The following HGSNAT variants were observed in gnomAD, a reference collection of about 807,000 sequenced individuals.
HGSNAT encodes transmembrane protein 76.
A neutral mutation model predicts 85.2 loss-of-function variants in HGSNAT; 59 were observed. The ratio of observed to expected loss-of-function variants is 0.69; its 90% CI spans 0.56 to 0.86. The LOEUF (loss-of-function observed/expected upper bound fraction) is 0.86. Among genes scored for constraint, HGSNAT ranks in the 40% least tolerant of loss-of-function variants. The probability of loss-of-function intolerance (pLI) is 0.00; values close to 1 mark genes in which losing one functional copy is unlikely to be tolerated. For missense variants in HGSNAT, 756 were observed against 777.1 expected (o/e 0.97, Z 0.32); for synonymous variants, 321 against 304.5 (o/e 1.05, Z -0.56).
At position 43,165,044 on chromosome 8, in the gene HGSNAT, A is replaced by ATT. The variant is rs1175997527; in HGVS notation, c.563+3563_563+3564dup. On this transcript the variant is annotated intron_variant, in intron 5 of 17. Transcript: ENST00000379644. The stretch of plus-strand genomic sequence containing the variant: ...ACTAGAGGCATGTGCCACCATGATA[A>ATT]TTTTTTTTTTTTTTTTTTTTTTTTT... 3.8e-3 allele frequency among the ~76,000 whole-genome samples: 275 copies of ATT among 72,048 alleles called. 7 individuals are homozygous for ATT. The highest frequency in any genetic ancestry group is 7.3e-3 in the South Asian group (14 of 1,924). 47.3% of individuals were successfully genotyped at this position (72,048 alleles called of 152,430 possible). A position where few individuals can be genotyped will look rare whatever the true frequency, so the allele number is the denominator to read the frequency against.
intron 2 of HGSNAT, among the ~76,000 whole-genome samples, chr8:43,154,358 C>G (rs1461969456): frequency 7.0e-6 from 1 of 142,892 alleles, no homozygotes; most frequent in Admixed American, 7.2e-5. Flanking sequence ...CCCCACCGCA[C>G]AGCAGGTCCT....
At chr8:43,157,843 AATTTAT>A (rs942146569) in intron 2 of HGSNAT, among the ~76,000 whole-genome samples, 2 of 151,482 alleles carry the variant, frequency 1.3e-5, no homozygotes, top group African/African-American at 2.4e-5. Flanking sequence ...TAAAACACAT[AATTTAT>A]ATAGCAAAAA....
chr8:43,181,081 T>G (rs1586738511), intron 10 of HGSNAT, among the ~76,000 whole-genome samples: 1 of 76,472 alleles, frequency 1.3e-5, no homozygotes. Flanking sequence ...AGGGAGACCG[T>G]GGAGGGAGAG....
chr8:43,197,857 C>G lies in HGSNAT; in HGVS notation c.1631C>G (p.Thr544Ser). ...CCTCCCAGGTCCCTTTCGTATGTCA[C>G]TACGCTCAGTTCTTTTGCCTTCTTC... ...NKNLWSLSYV[T>S]TLSSFAFFIL... The change falls in exon 17 of 18, where the codon ACT (threonine) becomes AGT (serine). Residue 544 changes from threonine (T) to serine (S), a missense_variant. Thr to Ser is a moderately conservative substitution (Grantham distance 58). Coordinates refer to ENST00000379644, the MANE Select transcript of HGSNAT (RefSeq NM_152419.3). 6.2e-7 allele frequency: 1 copy of G among 1,613,988 alleles called. No homozygotes were observed. Among genetic ancestry groups the G allele is most frequent in the Middle Eastern group, 1.6e-4 (1 of 6,062 alleles).
intron 5 of HGSNAT, among the ~76,000 whole-genome samples, chr8:43,166,762 A>G (rs1472267035): frequency 6.6e-6 from 1 of 152,200 alleles, no homozygotes; most frequent in African/African-American, 2.4e-5. Context: ...ACTATTTAAA[A>G]AATAGGTTTT....
In HGSNAT at chr8:43,147,004, C is replaced by G. The variant is rs200689598; in HGVS notation, c.175C>G (p.His59Asp). The G allele has an allele frequency of 1.2e-6, 2 of 1,610,676 alleles. No homozygotes were observed. Among genetic ancestry groups the G allele is most frequent in the East Asian group, 4.5e-5 (2 of 44,816 alleles). ...GATGGATCAGGCTTTGCTACTCATC[C>G]ATAATGAACTTCTCTGGACCAACTT... ...LKMDQALLLIHNELLWTNLTV... is the reference protein window; with the variant it reads ...LKMDQALLLIDNELLWTNLTV... Residue 59 changes from histidine (H) to aspartate (D), a missense_variant, in exon 2 of 18, where the codon CAT (histidine) becomes GAT (aspartate). His to Asp is a moderately conservative substitution (Grantham distance 81). Coordinates refer to ENST00000379644, the MANE Select transcript of HGSNAT (RefSeq NM_152419.3).
At chr8:43,145,303 C>A (rs1802676541) in intron 1 of HGSNAT, among the ~76,000 whole-genome samples, 1 of 151,330 alleles carries the variant, frequency 6.6e-6, no homozygotes, top group Admixed American at 6.6e-5. Context: ...TCATGATGGC[C>A]AAAAAAAAGC....
At chr8:43,191,673 C>A in intron 12 of HGSNAT, 78 bp downstream of exon 12, 1 of 1,533,488 alleles carries the variant, frequency 6.5e-7, no homozygotes, top group Non-Finnish European at 8.9e-7. Flanking sequence ...TCACAGGTCT[C>A]GAGTCAGAGG....
At chr8:43,179,645 A>C in intron 10 of HGSNAT, among the ~76,000 whole-genome samples, 2 of 9,290 alleles carry the variant, frequency 2.2e-4, no homozygotes, top group South Asian at 0.015. Flanking sequence ...GGACGGGGCG[A>C]CTGGCCAGGC....
chr8:43,185,560 A>G lies in HGSNAT; in HGVS notation c.1128+3300A>G, dbSNP rs185864878. ...GGGCTGAGATGATGGGGTTTTCTAA[A>G]TATACAATCATGTCATCTGCAAACA... On this transcript the variant is annotated intron_variant, in intron 11 of 17. Coordinates refer to ENST00000379644, the MANE Select transcript of HGSNAT (RefSeq NM_152419.3). Among the ~76,000 whole-genome samples the G allele has an allele frequency of 4.9e-3, 747 of 152,322 alleles. 8 individuals are homozygous for G. Among genetic ancestry groups the G allele is most frequent in the African/African-American group, 0.017 (718 of 41,574 alleles).
chr8:43,155,747 A>G (rs1424050864), intron 2 of HGSNAT, among the ~76,000 whole-genome samples: 4 of 152,204 alleles, frequency 2.6e-5, no homozygotes, highest in Non-Finnish European at 5.9e-5. Flanking sequence ...GAAAGATATG[A>G]GAGATAGGGG....
At position 43,196,301 on chromosome 8, in the gene HGSNAT, A is replaced by G. The variant is rs1233117294; in HGVS notation, c.1465-647A>G. The stretch of plus-strand genomic sequence containing the variant: ...TATTTTTAAAGCTTCTCATCCTTTG[A>G]TGTTTTCAAAAATGAATACCTAATT... On this transcript the variant is annotated intron_variant, in intron 14 of 17. Transcript: ENST00000379644. 2.1e-5 allele frequency: 8 copies of G among 375,938 alleles called. No homozygotes were observed. The East Asian group carries it at 5.2e-4, about 24-fold the overall frequency. 23.3% of individuals were successfully genotyped at this position (375,938 alleles called of 1,614,324 possible). A position where few individuals can be genotyped will look rare whatever the true frequency, so the allele number is the denominator to read the frequency against.
At position 43,199,532 on chromosome 8, in the gene HGSNAT, A is replaced by G. The variant is rs773631016; in HGVS notation, c.1871A>G (p.Tyr624Cys). The change falls in exon 18 of 18, where the codon TAC becomes TGC. Residue 624 changes from tyrosine (Y) to cysteine (C), a missense_variant. By Grantham distance (194) the Tyr-to-Cys change is radical. Coordinates refer to ENST00000379644, the MANE Select transcript of HGSNAT (RefSeq NM_152419.3). ...VATALWVLIA[Y>C]ILYRKKIFWK... is the part of the protein sequence containing the mutation. ...ACTGCCCTCTGGGTGCTCATTGCCT[A>G]CATCCTCTATAGAAAGAAGATTTTT... 5 of 1,594,044 alleles carry G rather than the reference A, an allele frequency of 3.1e-6. No homozygotes were observed. The Admixed American group carries it at 7.0e-5, about 22-fold the overall frequency.
chr8:43,151,371 G>A (rs1000658770), intron 2 of HGSNAT, among the ~76,000 whole-genome samples: 17 of 152,142 alleles, frequency 1.1e-4, no homozygotes, highest in African/African-American at 3.9e-4. Context: ...GAAAAATAAC[G>A]GAACCTGCCG....
chr8:43,191,007 G>A (rs915127857), intron 11 of HGSNAT, among the ~76,000 whole-genome samples: 3 of 152,154 alleles, frequency 2.0e-5, no homozygotes, highest in African/African-American at 7.2e-5. Flanking sequence ...GTCATATAAC[G>A]TGGCTTTTTG....
chr8:43,151,066 TAAA>T (rs979209742), intron 2 of HGSNAT, among the ~76,000 whole-genome samples: 1 of 152,118 alleles, frequency 6.6e-6, no homozygotes, highest in African/African-American at 2.4e-5. Context: ...ACACCCTAAA[TAAA>T]AAGGCACCAA....
chr8:43,174,148 C>T (rs1313925658), intron 9 of HGSNAT: 4 of 155,270 alleles, frequency 2.6e-5, no homozygotes, highest in Non-Finnish European at 2.8e-5. Context: ...ACCCAGGAGG[C>T]GGGGGTTGCG....
rs760884207 is a variant in HGSNAT, at chr8:43,197,937, C to T, written c.1711C>T (p.Pro571Ser). 1.2e-6 allele frequency: 2 copies of T among 1,612,926 alleles called. No individual in the cohort carries two copies. The highest frequency in any genetic ancestry group is 1.7e-6 in the Non-Finnish European group (2 of 1,179,130). ...VDVKGLWTGTPFFYPGMNSIL... is the reference protein window; with the variant it reads ...VDVKGLWTGTSFFYPGMNSIL... ...TGTGAAGGGGCTGTGGACAGGAACC[C>T]CATTCTTTTATCCAGGTAAGTCACC... The change falls in exon 17 of 18, where the codon CCA (proline) becomes TCA (serine). Residue 571 changes from proline to serine, a missense_variant. By Grantham distance (74) the Pro-to-Ser change is moderately conservative. Transcript: ENST00000379644.
intron 2 of HGSNAT, among the ~76,000 whole-genome samples, chr8:43,153,982 A>G (rs1305580177): frequency 6.6e-6 from 1 of 152,164 alleles, no homozygotes; most frequent in Non-Finnish European, 1.5e-5. Flanking sequence ...TATCTTGGCT[A>G]TTATGAATAG....
Sources: allele counts gnomAD v4.1 joint callset (sites outside exome capture counted in the v4.1 genomes callset), GRCh38; gene constraint gnomAD v4.1.1; transcripts MANE v1.5; gene names NCBI Gene and HGNC (gene_info 2026-07-23, HGNC 2026-07-21).